The following KAT2B variants were observed in gnomAD, a reference collection of about 807,000 sequenced individuals.
KAT2B encodes histone acetyltransferase KAT2B.
KAT2B carries 36 observed loss-of-function variants against 105.9 expected under a neutral mutation model. That is an observed-to-expected ratio of 0.34 (90% confidence interval 0.26 to 0.45). The LOEUF is 0.45. KAT2B is among the 20% of genes least tolerant of loss of function. The pLI, the probability that KAT2B is intolerant of heterozygous loss-of-function variation, is 1.00. For missense variants in KAT2B, 820 were observed against 1,021.6 expected (o/e 0.80, Z 2.69); for synonymous variants, 397 against 377.9 (o/e 1.05, Z -0.59).
In KAT2B at chr3:20,153,464, T is replaced by C. The variant is rs983489660; in HGVS notation, c.*939T>C. ...GATACACACAGCCACGCTGATAATA[T>C]GCAAATGAACATTTTCCTTTATGTC... On this transcript the variant is annotated 3_prime_UTR_variant, in exon 18 of 18. Coordinates refer to ENST00000263754, the MANE Select transcript of KAT2B (RefSeq NM_003884.5). 1 of 152,620 alleles carries C rather than the reference T, an allele frequency of 6.6e-6. No homozygotes were observed. The highest frequency in any genetic ancestry group is 2.4e-5 in the African/African-American group (1 of 41,464). The allele number at this position is 152,620 out of a possible 1,614,324, so 9.5% of individuals were successfully genotyped here.
chr3:20,110,075 C>T (rs1278674025), intron 5 of KAT2B, among the ~76,000 whole-genome samples: 1 of 151,960 alleles, frequency 6.6e-6, no homozygotes, highest in Non-Finnish European at 1.5e-5. Flanking sequence ...TAATATTATT[C>T]CTCTCTTCAT....
intron 9 of KAT2B, among the ~76,000 whole-genome samples, chr3:20,125,558 A>G (rs1699386288): frequency 6.6e-6 from 1 of 152,216 alleles, no homozygotes. Context: ...ATAGCAGAAG[A>G]AGGAGTAGTT....
At chr3:20,057,099 T>C (rs1411803843) in intron 1 of KAT2B, among the ~76,000 whole-genome samples, 7 of 151,962 alleles carry the variant, frequency 4.6e-5, no homozygotes, top group African/African-American at 1.7e-4. Context: ...GCCCTGGCAA[T>C]GAGAATGGAG....
rs1352485280 is a variant in KAT2B, at chr3:20,146,377, C to T, written c.2066C>T (p.Ser689Leu). The T allele has an allele frequency of 6.2e-7, 1 of 1,613,522 alleles. No homozygotes were observed. Among genetic ancestry groups the T allele is most frequent in the Non-Finnish European group, 8.5e-7 (1 of 1,179,554 alleles). Residue 689 changes from serine (S) to leucine (L), a missense_variant, in exon 14 of 18, where the codon TCA becomes TTA. Ser to Leu is a moderately radical substitution (Grantham distance 145, BLOSUM62 -2). Transcript: ENST00000263754. ...AQIRKVYPGLSCFKDGVRQIP... is the reference protein window; with the variant it reads ...AQIRKVYPGLLCFKDGVRQIP... Reference sequence around the variant, plus strand: ...ATTCGAAAAGTTTACCCTGGACTTTCATGTTTTAAAGATGGAGTTCGACAG... The same window carrying T: ...ATTCGAAAAGTTTACCCTGGACTTTTATGTTTTAAAGATGGAGTTCGACAG...
intron 11 of KAT2B, among the ~76,000 whole-genome samples, chr3:20,128,842 T>C (rs986695398): frequency 6.6e-6 from 1 of 151,884 alleles, no homozygotes; most frequent in Non-Finnish European, 1.5e-5. Context: ...ACCCTGTCTC[T>C]ACTAAAAATA....
chr3:20,130,925 CGT>C (rs910392359), intron 11 of KAT2B, among the ~76,000 whole-genome samples: 7 of 144,668 alleles, frequency 4.8e-5, no homozygotes, highest in South Asian at 2.2e-4. Context: ...TGCATGCGTG[CGT>C]GTGTGTGTGT....
intron 11 of KAT2B, 48 bp downstream of exon 11, chr3:20,127,597 C>G (rs1426832402): frequency 4.5e-6 from 7 of 1,571,586 alleles, no homozygotes; most frequent in Non-Finnish European, 6.1e-6. Flanking sequence ...TGTGGGGCTT[C>G]TCACTAAGGC....
chr3:20,050,887 G>A (rs553266236), intron 1 of KAT2B, among the ~76,000 whole-genome samples: 17 of 152,154 alleles, frequency 1.1e-4, no homozygotes, highest in Admixed American at 8.5e-4. Context: ...GAACCCAGGA[G>A]GGCAGGAATG....
intron 17 of KAT2B, among the ~76,000 whole-genome samples, chr3:20,149,915 T>G (rs992122097): frequency 5.9e-5 from 9 of 152,268 alleles, no homozygotes; most frequent in Admixed American, 1.3e-4. Context: ...CAGCTTCTTT[T>G]GGGAAACCCC....
chr3:20,145,824 A>G (rs1559333172), intron 13 of KAT2B, among the ~76,000 whole-genome samples: 2 of 152,136 alleles, frequency 1.3e-5, no homozygotes, highest in South Asian at 4.1e-4. Flanking sequence ...GCCTTGAAAA[A>G]TTTAAATAGT....
At chr3:20,135,226 A>G (rs996177230) in intron 11 of KAT2B, among the ~76,000 whole-genome samples, 2 of 152,344 alleles carry the variant, frequency 1.3e-5, no homozygotes, top group Middle Eastern at 3.4e-3. Flanking sequence ...GGTGACATCA[A>G]TGGAAGAATA....
intron 7 of KAT2B, among the ~76,000 whole-genome samples, chr3:20,115,566 A>G (rs1170915558): frequency 1.3e-5 from 2 of 152,194 alleles, no homozygotes; most frequent in Non-Finnish European, 2.9e-5. Flanking sequence ...GCTTGTGAGT[A>G]TTGCCTCTAA....
At chr3:20,117,096 A>T (rs1429913153) in intron 7 of KAT2B, among the ~76,000 whole-genome samples, 1 of 148,972 alleles carries the variant, frequency 6.7e-6, no homozygotes, top group Non-Finnish European at 1.5e-5. Context: ...CTGTGTGTGA[A>T]AACTCCCCTT....
intron 11 of KAT2B, among the ~76,000 whole-genome samples, chr3:20,128,799 G>A (rs1375052450): frequency 6.6e-6 from 1 of 152,054 alleles, no homozygotes; most frequent in Non-Finnish European, 1.5e-5. Context: ...CCTGAGATCA[G>A]GAGTTTGAGA....
chr3:20,083,998 TGA>T (rs922312204), intron 2 of KAT2B, among the ~76,000 whole-genome samples: 6 of 152,094 alleles, frequency 3.9e-5, no homozygotes, highest in Non-Finnish European at 7.4e-5. Context: ...GTGTATTTGT[TGA>T]GAACAGAAAG....
intron 12 of KAT2B, among the ~76,000 whole-genome samples, chr3:20,138,618 G>A (rs1252624348): frequency 1.3e-5 from 2 of 152,096 alleles, no homozygotes; most frequent in East Asian, 3.8e-4. Context: ...AATAAATTGT[G>A]TATGTTTGAA....
At chr3:20,064,368 CTT>C (rs996124576) in intron 1 of KAT2B, among the ~76,000 whole-genome samples, 2 of 152,182 alleles carry the variant, frequency 1.3e-5, no homozygotes, top group Non-Finnish European at 2.9e-5. Flanking sequence ...AAAATCCTCT[CTT>C]GTAGCTATTT....
At chr3:20,113,730 A>G (rs967608587) in intron 6 of KAT2B, among the ~76,000 whole-genome samples, 2 of 152,186 alleles carry the variant, frequency 1.3e-5, no homozygotes, top group African/African-American at 2.4e-5. Context: ...CCGGCTTCCC[A>G]GCACCCAGGG....
chr3:20,064,198 G>A (rs563029243), intron 1 of KAT2B, among the ~76,000 whole-genome samples: 1 of 152,238 alleles, frequency 6.6e-6, no homozygotes, highest in South Asian at 2.1e-4. Flanking sequence ...TTTGAAAAAA[G>A]AACTTATTTT....
Sources: allele counts gnomAD v4.1 joint callset (sites outside exome capture counted in the v4.1 genomes callset), GRCh38; gene constraint gnomAD v4.1.1; transcripts MANE v1.5; gene names NCBI Gene and HGNC (gene_info 2026-07-23, HGNC 2026-07-21).